Variants in ABCA4 observed in about 807,000 individuals in gnomAD.
ABCA4 encodes the protein retinal-specific phospholipid-transporting ATPase ABCA4.
A neutral mutation model predicts 263.7 loss-of-function variants in ABCA4; 196 were observed. The observed-to-expected ratio is 0.74, with a 90% CI of 0.66 to 0.84. The LOEUF (loss-of-function observed/expected upper bound fraction) is 0.84. ABCA4 is among the 40% of genes least tolerant of loss of function. The probability of loss-of-function intolerance (pLI) is 0.00; values close to 1 mark genes in which losing one functional copy is unlikely to be tolerated. For synonymous variants in ABCA4, 1,133 were observed against 1,094.2 expected (o/e 1.04, Z -0.70); for missense variants, 2,792 against 2,855.1 (o/e 0.98, Z 0.50).
At chr1:94,073,160 G>C (rs1236644079) in intron 11 of ABCA4, among the ~76,000 whole-genome samples, 1 of 152,136 alleles carries the variant, frequency 6.6e-6, no homozygotes, top group Admixed American at 6.5e-5. Flanking sequence ...CAAAACACGA[G>C]AACAGAAGCA....
chr1:93,998,744 T>G (rs6666176), intron 47 of ABCA4, among the ~76,000 whole-genome samples: 19,347 of 148,326 alleles, frequency 0.13, 2,129 homozygotes, highest in African/African-American at 0.3. Context: ...TTTATTTTAT[T>G]TTATTTTATT....
chr1:94,049,098 C>G (rs1254110204), intron 17 of ABCA4, 141 bp from the exon 18 acceptor site: 3 of 742,004 alleles, frequency 4.0e-6, no homozygotes, highest in Non-Finnish European at 7.0e-6. Flanking sequence ...GGTACTCAAG[C>G]CTGATCACAC....
chr1:94,110,422 T>C (rs3789434), intron 3 of ABCA4, among the ~76,000 whole-genome samples: 23,481 of 152,162 alleles, frequency 0.15, 2,324 homozygotes, highest in East Asian at 0.27. Flanking sequence ...CCTGGAAGAA[T>C]CATACTGAGC....
intron 47 of ABCA4, among the ~76,000 whole-genome samples, chr1:93,998,319 G>T (rs1407141101): frequency 6.6e-6 from 1 of 152,032 alleles, no homozygotes; most frequent in South Asian, 2.1e-4. Flanking sequence ...GAAAGACCCT[G>T]TCTCTACGAA....
chr1:94,063,141 C>T lies in ABCA4; in HGVS notation c.1731G>A (p.Val577=). 1 of 1,614,056 alleles carries T rather than the reference C, an allele frequency of 6.2e-7. No homozygotes were observed. The highest frequency in any genetic ancestry group is 1.3e-5 in the African/African-American group (1 of 75,006). ...CTTTAATCTTATTGGTTTTCTCCAC[C>T]ACGTCTATGTCCATTCGGATCTTAT... is the stretch of plus-strand genomic sequence containing the variant. The part of the protein sequence containing the change: ...VKYKIRMDID[V]VEKTNKIKDR... The change falls in exon 12 of 50, where the codon GTG becomes GTA. Residue 577 remains valine, a synonymous_variant. Coordinates refer to ENST00000370225, the MANE Select transcript of ABCA4 (RefSeq NM_000350.3).
intron 47 of ABCA4, among the ~76,000 whole-genome samples, chr1:93,999,924 C>G (rs1659129361): frequency 6.6e-6 from 1 of 152,234 alleles, no homozygotes; most frequent in South Asian, 2.1e-4. Context: ...TATGCAGTGT[C>G]CAAGTTGTAG....
At chr1:94,054,616 A>G (rs1045428152) in intron 16 of ABCA4, among the ~76,000 whole-genome samples, 4 of 152,202 alleles carry the variant, frequency 2.6e-5, no homozygotes, top group Non-Finnish European at 5.9e-5. Context: ...TGTATTAAAC[A>G]GTCAGTAAGG....
intron 17 of ABCA4, among the ~76,000 whole-genome samples, chr1:94,049,200 C>A (rs552809847): frequency 6.6e-6 from 1 of 152,298 alleles, no homozygotes; most frequent in African/African-American, 2.4e-5. Context: ...CCCACAGTTT[C>A]AGAAACTGTG....
chr1:94,059,918 C>A lies in ABCA4; in HGVS notation c.2160+619G>T, dbSNP rs79348375. 3.3e-5 allele frequency among the ~76,000 whole-genome samples: 5 copies of A among 152,144 alleles called. No homozygotes were observed. In the East Asian group the frequency reaches 7.7e-4, roughly 23 times the overall value. On this transcript the variant is annotated intron_variant, in intron 14 of 49. Transcript: ENST00000370225. ...AGTTGCAAGTTTGCAGAGGACAGACCAATAGATGCTGCCTGTGGCTATAAA... is the reference window on the plus strand; with the variant it reads ...AGTTGCAAGTTTGCAGAGGACAGACAAATAGATGCTGCCTGTGGCTATAAA...
chr1:94,065,170 C>T (rs917555843), intron 11 of ABCA4, among the ~76,000 whole-genome samples: 1 of 151,762 alleles, frequency 6.6e-6, no homozygotes, highest in Non-Finnish European at 1.5e-5. Context: ...GTTCTTCCTG[C>T]CACACCAGGA....
At chr1:94,116,968 C>CTCTCTCTTTCTTTCTT (rs1662786939) in intron 1 of ABCA4, among the ~76,000 whole-genome samples, 1 of 99,940 alleles carries the variant, frequency 1.0e-5, no homozygotes, top group Non-Finnish European at 2.0e-5. Flanking sequence ...TTCTTTCTTT[C>CTCTCTCTTTCTTTCTT]TCTTTCTTTC....
chr1:93,999,309 G>T (rs1659110243), intron 47 of ABCA4, among the ~76,000 whole-genome samples: 1 of 152,230 alleles, frequency 6.6e-6, no homozygotes, highest in Admixed American at 6.5e-5. Context: ...GCTTCCCAAA[G>T]TGATAGGATT....
At position 94,080,482 on chromosome 1, in the gene ABCA4, T is replaced by A. The variant is rs1244319420; in HGVS notation, c.1095A>T (p.Arg365Ser). The change falls in exon 8 of 50, where the codon AGA becomes AGT. Residue 365 changes from arginine to serine, a missense_variant. Coordinates refer to ENST00000370225, the MANE Select transcript of ABCA4 (RefSeq NM_000350.3). ...AGCAGGACTCAGAAAACTTACTTGT[T>A]CTTCTGTCATAAGAATAGATAGGAT... ...RKDPIYSYDRRTTSFCNALIQ... is the reference protein window; with the variant it reads ...RKDPIYSYDRSTTSFCNALIQ... 6.2e-7 allele frequency: 1 copy of A among 1,614,190 alleles called. No individual in the cohort carries two copies. Among genetic ancestry groups the A allele is most frequent in the Non-Finnish European group, 8.5e-7 (1 of 1,180,042 alleles).
chr1:94,078,658 C>T lies in ABCA4; in HGVS notation c.1288G>A (p.Ala430Thr), dbSNP rs540424205. Residue 430 changes from alanine to threonine, a missense_variant, in exon 10 of 50, where the codon GCC becomes ACC. By Grantham distance (58) the Ala-to-Thr change is moderately conservative. Transcript: ENST00000370225. ...ELEHVRKLVK[A>T]WEEVGPQIWY... The stretch of plus-strand genomic sequence containing the variant: ...ATCTGGGGCCCTACTTCTTCCCAGG[C>T]TTTGACCAACTTCCTAACGTGTTCC... The T allele has an allele frequency of 6.4e-7, 1 of 1,573,252 alleles. No individual in the cohort carries two copies. Among genetic ancestry groups the T allele is most frequent in the East Asian group, 2.5e-5 (1 of 40,662 alleles).
chr1:94,010,688 G>GA, intron 40 of ABCA4, 112 bp downstream of exon 40: 1 of 1,512,818 alleles, frequency 6.6e-7, no homozygotes, highest in Non-Finnish European at 9.1e-7. Flanking sequence ...TGAGAATGTA[G>GA]AAAAAACATT....
intron 3 of ABCA4, 85 bp downstream of exon 3, chr1:94,111,353 A>G: frequency 6.5e-7 from 1 of 1,543,492 alleles, no homozygotes; most frequent in East Asian, 2.3e-5. Flanking sequence ...TCAGTGCTCC[A>G]TGCTCCGTGC....
At chr1:94,036,851 C>T in intron 25 of ABCA4, 63 bp from the exon 26 acceptor site, 1 of 1,534,196 alleles carries the variant, frequency 6.5e-7, no homozygotes, top group Non-Finnish European at 9.0e-7. Flanking sequence ...AAAATCTAAC[C>T]CAAGCTCTGT....
At chr1:94,072,294 C>A (rs1003622430) in intron 11 of ABCA4, among the ~76,000 whole-genome samples, 1 of 152,214 alleles carries the variant, frequency 6.6e-6, no homozygotes. Context: ...TAGAGAAATA[C>A]AGTGGTTACT....
At chr1:94,012,064 C>A (rs996379123) in intron 38 of ABCA4, among the ~76,000 whole-genome samples, 1 of 152,200 alleles carries the variant, frequency 6.6e-6, no homozygotes, top group Non-Finnish European at 1.5e-5. Flanking sequence ...GGCAGAGCCT[C>A]CCCTGAGAAA....
Sources: allele counts gnomAD v4.1 joint callset (sites outside exome capture counted in the v4.1 genomes callset), GRCh38; gene constraint gnomAD v4.1.1; transcripts MANE v1.5; gene names NCBI Gene and HGNC (gene_info 2026-07-23, HGNC 2026-07-21).